The following QTMAN variants were observed in gnomAD, a reference collection of about 807,000 sequenced individuals.
The protein encoded by QTMAN is queuosine-tRNA mannosyltransferase.
the QTMAN span, among the ~76,000 whole-genome samples, chr2:144,097,294 C>G: frequency 2.0e-5 from 3 of 152,140 alleles, no homozygotes; most frequent in Non-Finnish European, 4.4e-5. Flanking sequence ...ATATTTATTC[C>G]CATTCATCCA....
chr2:144,320,429 C>T, the QTMAN span, among the ~76,000 whole-genome samples: 1 of 152,166 alleles, frequency 6.6e-6, no homozygotes, highest in East Asian at 1.9e-4. Context: ...ATTCAACTAA[C>T]AAGTATTTGT....
chr2:144,186,643 T>C, the QTMAN span, among the ~76,000 whole-genome samples: 2 of 152,246 alleles, frequency 1.3e-5, no homozygotes, highest in Non-Finnish European at 2.9e-5. Flanking sequence ...TGATTGAGCC[T>C]GTTTCTATTT....
chr2:144,226,342 A>T, the QTMAN span, among the ~76,000 whole-genome samples: 1 of 152,170 alleles, frequency 6.6e-6, no homozygotes, highest in Non-Finnish European at 1.5e-5. Flanking sequence ...CACTGAGAAT[A>T]AAGGTAAAAA....
the QTMAN span, among the ~76,000 whole-genome samples, chr2:144,240,727 T>C: frequency 5.3e-5 from 8 of 152,120 alleles, 1 homozygote; most frequent in Non-Finnish European, 1.2e-4. Flanking sequence ...ATGCAAACAG[T>C]CCACACAAAC....
At chr2:144,172,627 A>G in the QTMAN span, among the ~76,000 whole-genome samples, 1 of 151,020 alleles carries the variant, frequency 6.6e-6, no homozygotes, top group African/African-American at 2.4e-5. Flanking sequence ...CTGTCAAAAA[A>G]AAAAAAAAAA....
At chr2:144,098,631 C>T in the QTMAN span, among the ~76,000 whole-genome samples, 1 of 151,644 alleles carries the variant, frequency 6.6e-6, no homozygotes, top group Admixed American at 6.6e-5. Context: ...AGGAGAATCG[C>T]TTGAACCTGG....
chr2:144,244,431 C>T, the QTMAN span, among the ~76,000 whole-genome samples: 1 of 152,184 alleles, frequency 6.6e-6, no homozygotes, highest in East Asian at 1.9e-4. Context: ...AAACATCTGA[C>T]AGAATACCAA....
the QTMAN span, among the ~76,000 whole-genome samples, chr2:144,020,761 A>T: frequency 6.6e-6 from 1 of 152,216 alleles, no homozygotes; most frequent in Admixed American, 6.5e-5. Flanking sequence ...AGAAACTGAG[A>T]CAATGTAGAG....
the QTMAN span, among the ~76,000 whole-genome samples, chr2:144,068,762 C>T: frequency 6.6e-6 from 1 of 152,126 alleles, no homozygotes; most frequent in Non-Finnish European, 1.5e-5. Flanking sequence ...ATTTAGCATC[C>T]AGCATACATT....
chr2:144,070,373 C>A, the QTMAN span, among the ~76,000 whole-genome samples: 1 of 152,054 alleles, frequency 6.6e-6, no homozygotes, highest in Non-Finnish European at 1.5e-5. Context: ...CTAGTACCAA[C>A]ATATTCAATT....
the QTMAN span, among the ~76,000 whole-genome samples, chr2:144,149,699 G>A: frequency 6.6e-6 from 1 of 151,968 alleles, no homozygotes; most frequent in African/African-American, 2.4e-5. Context: ...AAAAGGACCT[G>A]TACACGTTTC....
the QTMAN span, among the ~76,000 whole-genome samples, chr2:144,170,364 AG>A: frequency 6.6e-6 from 1 of 152,202 alleles, no homozygotes; most frequent in Non-Finnish European, 1.5e-5. Flanking sequence ...CTTATTACTC[AG>A]AACACAGTAA....
chr2:144,132,327 G>A, the QTMAN span, among the ~76,000 whole-genome samples: 2 of 151,874 alleles, frequency 1.3e-5, no homozygotes, highest in Non-Finnish European at 2.9e-5. Flanking sequence ...AATTTATTAG[G>A]GAATGAGCCA....
chr2:144,041,467 C>T, the QTMAN span, among the ~76,000 whole-genome samples: 1 of 152,190 alleles, frequency 6.6e-6, no homozygotes, highest in Non-Finnish European at 1.5e-5. Flanking sequence ...ACAATACACT[C>T]TCAGGGTCAA....
At chr2:143,963,461 G>A in the QTMAN span, among the ~76,000 whole-genome samples, 1 of 151,140 alleles carries the variant, frequency 6.6e-6, no homozygotes, top group Non-Finnish European at 1.5e-5. Flanking sequence ...TTGTATTTCT[G>A]CTTCTCCATT....
chr2:143,960,782 T>G, the QTMAN span, among the ~76,000 whole-genome samples: 1 of 151,788 alleles, frequency 6.6e-6, no homozygotes, highest in Non-Finnish European at 1.5e-5. Context: ...AATCTGCACA[T>G]GTAACCCCCT....
chr2:144,314,184 CATAAA>C, the QTMAN span, among the ~76,000 whole-genome samples: 3 of 152,230 alleles, frequency 2.0e-5, no homozygotes, highest in Admixed American at 6.5e-5. Flanking sequence ...AAACAAATTA[CATAAA>C]ATAAAACACT....
chr2:143,990,979 T>C, the QTMAN span, among the ~76,000 whole-genome samples: 1 of 151,892 alleles, frequency 6.6e-6, no homozygotes, highest in Non-Finnish European at 1.5e-5. Flanking sequence ...ATCATTAAAG[T>C]CAAGGGATAC....
chr2:144,256,679 A>G, the QTMAN span, among the ~76,000 whole-genome samples: 3 of 152,156 alleles, frequency 2.0e-5, no homozygotes, highest in Non-Finnish European at 4.4e-5. Flanking sequence ...GGAGGGGAAC[A>G]TCACACACAG....
Sources: gnomAD v4.1 joint callset for allele counts (sites outside exome capture counted in the v4.1 genomes callset) on GRCh38, gnomAD v4.1.1 for gene constraint, MANE v1.5 for transcripts, NCBI Gene and HGNC (gene_info 2026-07-23, HGNC 2026-07-21) for gene names.